The following TMEM181 variants were observed in gnomAD, a reference collection of about 807,000 sequenced individuals.
The protein encoded by TMEM181 is transmembrane protein 181.
TMEM181 carries 39 observed loss-of-function variants against 71.9 expected under a neutral mutation model. That is an observed-to-expected ratio of 0.54 (90% confidence interval 0.42 to 0.71). The LOEUF (loss-of-function observed/expected upper bound fraction) is 0.71. Among genes scored for constraint, TMEM181 ranks in the 30% least tolerant of loss-of-function variants. TMEM181 has a pLI of 0.00. For missense variants in TMEM181, 595 were observed against 583.0 expected (o/e 1.02, Z -0.21); for synonymous variants, 245 against 228.8 (o/e 1.07, Z -0.64).
intron 5 of TMEM181, among the ~76,000 whole-genome samples, chr6:158,586,351 T>G (rs186468338): frequency 6.8e-4 from 104 of 152,306 alleles, no homozygotes; most frequent in African/African-American, 2.5e-3. Flanking sequence ...AGGAAAGTAA[T>G]GTCAGAAGCC....
chr6:158,569,736 G>T (rs1333854577), intron 1 of TMEM181, among the ~76,000 whole-genome samples: 1 of 152,112 alleles, frequency 6.6e-6, no homozygotes, highest in Non-Finnish European at 1.5e-5. Context: ...AAGTAGCTGG[G>T]ATTATAGGCA....
chr6:158,592,561 C>T (rs532264334), intron 6 of TMEM181, among the ~76,000 whole-genome samples: 173 of 152,172 alleles, frequency 1.1e-3, no homozygotes, highest in African/African-American at 4.0e-3. Context: ...TAACATCTGC[C>T]TCCCGGGTTC....
chr6:158,567,161 G>T (rs1013438896), intron 1 of TMEM181, among the ~76,000 whole-genome samples: 1 of 152,198 alleles, frequency 6.6e-6, no homozygotes, highest in African/African-American at 2.4e-5. Flanking sequence ...AAAGCTGCAT[G>T]GGCCAGGAGG....
chr6:158,593,134 C>T (rs1406869528), intron 6 of TMEM181, among the ~76,000 whole-genome samples: 1 of 152,116 alleles, frequency 6.6e-6, no homozygotes, highest in Non-Finnish European at 1.5e-5. Context: ...GAAACATACA[C>T]AGTGATTTAT....
intron 13 of TMEM181, among the ~76,000 whole-genome samples, chr6:158,627,619 G>A (rs1416791100): frequency 7.5e-6 from 1 of 133,964 alleles, no homozygotes; most frequent in African/African-American, 2.7e-5. Flanking sequence ...GGCACCGGCA[G>A]CCTGGGTGGG....
At chr6:158,548,097 T>C (rs1001373952) in intron 1 of TMEM181, among the ~76,000 whole-genome samples, 1 of 151,988 alleles carries the variant, frequency 6.6e-6, no homozygotes, top group Non-Finnish European at 1.5e-5. Flanking sequence ...CCAGGTAACA[T>C]CACCTGGATG....
chr6:158,579,590 G>A (rs1783357606), intron 2 of TMEM181, among the ~76,000 whole-genome samples: 1 of 150,130 alleles, frequency 6.7e-6, no homozygotes. Flanking sequence ...ATGGTGGTAA[G>A]CACCTGTAAT....
At chr6:158,608,257 G>T (rs535061783) in intron 8 of TMEM181, 76 bp from the exon 9 acceptor site, 2 of 1,517,778 alleles carry the variant, frequency 1.3e-6, no homozygotes, top group African/African-American at 1.7e-5. Flanking sequence ...TGCTGACCCC[G>T]CAGAGGTATG....
intron 8 of TMEM181, among the ~76,000 whole-genome samples, chr6:158,607,881 C>G (rs1056647107): frequency 2.6e-5 from 4 of 152,220 alleles, no homozygotes; most frequent in Non-Finnish European, 5.9e-5. Flanking sequence ...CACAGCAGTC[C>G]TGGAACTTGG....
chr6:158,629,648 T>C, intron 14 of TMEM181, 82 bp from the exon 15 acceptor site: 2 of 1,213,754 alleles, frequency 1.6e-6, no homozygotes, highest in Non-Finnish European at 2.3e-6. Flanking sequence ...GGGCTGCTGA[T>C]GGCGGGAGGA....
chr6:158,576,451 CA>C (rs1783160960), intron 2 of TMEM181, among the ~76,000 whole-genome samples: 1 of 152,048 alleles, frequency 6.6e-6, no homozygotes, highest in Non-Finnish European at 1.5e-5. Flanking sequence ...ACGTTACTTC[CA>C]GGGGATTTAA....
upstream of TMEM181, among the ~76,000 whole-genome samples, chr6:158,558,299 G>A (rs1280185760): frequency 2.0e-5 from 3 of 152,220 alleles, no homozygotes; most frequent in Admixed American, 6.5e-5. Flanking sequence ...GCCAGCAAAT[G>A]TGCTTTGTTT....
intron 13 of TMEM181, among the ~76,000 whole-genome samples, chr6:158,628,085 G>A (rs562751163): frequency 6.6e-6 from 1 of 152,200 alleles, no homozygotes; most frequent in Non-Finnish European, 1.5e-5. Context: ...AAAAGCAAGA[G>A]CAGGGAGGAA....
At position 158,625,712 on chromosome 6, in the gene TMEM181, T is replaced by C. The variant is rs1369745585; in HGVS notation, c.1067T>C (p.Leu356Ser). 6.2e-7 allele frequency: 1 copy of C among 1,610,226 alleles called. No homozygotes were observed. The highest frequency in any genetic ancestry group is 1.7e-4 in the Middle Eastern group (1 of 6,052). ...TTTCTTTCTTTTTCAGATCTCAGGT[T>C]GAAATTTTTGACTGCATTGACTTTC... ...LRHMPYVDLR[L>S]KFLTALTFVV... The change falls in exon 13 of 17, where the codon TTG becomes TCG. Residue 356 changes from leucine (L) to serine (S), a missense_variant. Coordinates refer to ENST00000684151, the MANE Select transcript of TMEM181 (RefSeq NM_001376852.1).
chr6:158,611,018 A>G (rs1785272697), intron 10 of TMEM181: 1 of 451,500 alleles, frequency 2.2e-6, no homozygotes, highest in Non-Finnish European at 4.4e-6. Flanking sequence ...CCACCTCCCT[A>G]TCTTTATGCT....
At chr6:158,631,232 C>T in intron 15 of TMEM181, 91 bp from the exon 16 acceptor site, 1 of 1,360,638 alleles carries the variant, frequency 7.3e-7, no homozygotes, top group Non-Finnish European at 1.1e-6. Flanking sequence ...CAGTTCTTTC[C>T]AACTCCCTTC....
At chr6:158,554,793 G>C (rs1342806242) in intron 1 of TMEM181, among the ~76,000 whole-genome samples, 2 of 152,158 alleles carry the variant, frequency 1.3e-5, no homozygotes, top group Non-Finnish European at 2.9e-5. Context: ...TTTCATTTTA[G>C]AATGTTAGTC....
At chr6:158,619,867 CAAAAAA>C (rs61626531) in intron 10 of TMEM181, among the ~76,000 whole-genome samples, 11 of 67,708 alleles carry the variant, frequency 1.6e-4, no homozygotes, top group Admixed American at 3.2e-4. Context: ...GACTCCGTCT[CAAAAAA>C]AAAAAAAAAA....
intron 5 of TMEM181, among the ~76,000 whole-genome samples, chr6:158,585,845 G>A (rs1783738637): frequency 1.3e-5 from 2 of 152,142 alleles, no homozygotes; most frequent in African/African-American, 4.8e-5. Flanking sequence ...TTTGTTTAGA[G>A]ACAGGTTTTT....
Sources: gnomAD v4.1 joint callset for allele counts (sites outside exome capture counted in the v4.1 genomes callset) on GRCh38, gnomAD v4.1.1 for gene constraint, MANE v1.5 for transcripts, NCBI Gene and HGNC (gene_info 2026-07-23, HGNC 2026-07-21) for gene names.